The following DDR2 variants were observed in gnomAD, a reference collection of about 807,000 sequenced individuals.
DDR2 encodes the protein discoidin domain-containing receptor 2.
In DDR2, 27 loss-of-function variants were observed where a neutral mutation model predicts 94.9. The ratio of observed to expected loss-of-function variants is 0.28; its 90% confidence interval spans 0.21 to 0.39. The LOEUF is 0.39. Ranked by LOEUF, DDR2 falls within the 10% of genes least tolerant of loss-of-function variation. The probability of loss-of-function intolerance (pLI) is 1.00; values close to 1 mark genes in which losing one functional copy is unlikely to be tolerated. For synonymous variants in DDR2, 382 were observed against 377.2 expected, an observed-to-expected ratio of 1.01 and a Z score of -0.15; for missense variants, 783 against 1,076.0, an observed-to-expected ratio of 0.73 and a Z score of 3.81.
chr1:162,708,277 A>T (rs929520929), intron 2 of DDR2, among the ~76,000 whole-genome samples: 1 of 152,160 alleles, frequency 6.6e-6, no homozygotes, highest in African/African-American at 2.4e-5. Context: ...GGCATCACAC[A>T]TGATCTCTTC....
At chr1:162,677,657 A>G (rs775514866) in intron 2 of DDR2, among the ~76,000 whole-genome samples, 1 of 152,180 alleles carries the variant, frequency 6.6e-6, no homozygotes, top group Non-Finnish European at 1.5e-5. Flanking sequence ...CCATCTTTTA[A>G]TTTAGCATCT....
At chr1:162,713,290 C>G (rs1349636938) in intron 2 of DDR2, among the ~76,000 whole-genome samples, 2 of 152,248 alleles carry the variant, frequency 1.3e-5, no homozygotes, top group East Asian at 3.9e-4. Flanking sequence ...CGGAAATGCA[C>G]AGAAAGTGTC....
At chr1:162,750,032 A>G (rs1043918466) in intron 3 of DDR2, among the ~76,000 whole-genome samples, 2 of 152,206 alleles carry the variant, frequency 1.3e-5, no homozygotes, top group African/African-American at 4.8e-5. Context: ...CGCACAGCCA[A>G]TATCATACTG....
chr1:162,775,253 G>C (rs927739345), intron 14 of DDR2, among the ~76,000 whole-genome samples: 2 of 8,484 alleles, frequency 2.4e-4, no homozygotes, highest in Non-Finnish European at 5.0e-4. Context: ...TGACTCCATG[G>C]CTTTAAAAAA....
intron 14 of DDR2, among the ~76,000 whole-genome samples, chr1:162,774,553 T>C (rs1189267499): frequency 6.6e-6 from 1 of 152,192 alleles, no homozygotes; most frequent in Non-Finnish European, 1.5e-5. Context: ...TTTAAGATAC[T>C]GGTAAGAATA....
In DDR2 at chr1:162,773,490, G is replaced by A. The variant is rs2102189644; in HGVS notation, c.1750G>A (p.Gly584Arg). The change falls in exon 14 of 18, where the codon GGA (glycine) becomes AGA (arginine). Residue 584 changes from glycine to arginine, a missense_variant. Transcript: ENST00000367921. ...FGEVHLCEVE[G>R]MEKFKDKDFA... ...CTAGGTTCATCTCTGTGAAGTGGAG[G>A]GAATGGAAAAATTCAAAGACAAAGA... 6.2e-7 allele frequency: 1 copy of A among 1,613,868 alleles called. No homozygotes were observed. Among genetic ancestry groups the A allele is most frequent in the African/African-American group, 1.3e-5 (1 of 75,012 alleles).
intron 1 of DDR2, among the ~76,000 whole-genome samples, chr1:162,642,043 T>C (rs964624549): frequency 6.6e-6 from 1 of 152,086 alleles, no homozygotes; most frequent in African/African-American, 2.4e-5. Context: ...CTCTGCCTCC[T>C]GGGTTCAAGC....
chr1:162,718,908 A>T, intron 2 of DDR2, 129 bp from the exon 3 acceptor site: 1 of 857,504 alleles, frequency 1.2e-6, no homozygotes, highest in Non-Finnish European at 1.9e-6. Flanking sequence ...GAAGTCCCAT[A>T]TATAAAAACA....
At chr1:162,642,452 T>G (rs775355551) in intron 1 of DDR2, among the ~76,000 whole-genome samples, 82 of 150,926 alleles carry the variant, frequency 5.4e-4, no homozygotes, top group Non-Finnish European at 1.0e-3. Flanking sequence ...TTCTGTGTTT[T>G]TTTTTTTTTT....
intron 3 of DDR2, among the ~76,000 whole-genome samples, chr1:162,751,043 C>T (rs187351956): frequency 1.1e-4 from 17 of 152,268 alleles, no homozygotes; most frequent in Non-Finnish European, 1.3e-4. Context: ...CATAAAAACC[C>T]TAGAAGAAAA....
rs1403575672 is a variant in DDR2 at position 162,767,249 on chromosome 1, G to T, written c.1183G>T (p.Asp395Tyr). The change falls in exon 11 of 18, where the codon GAC becomes TAC. Residue 395 changes from aspartate (D) to tyrosine (Y), a missense_variant. Asp to Tyr is a radical substitution (Grantham distance 160). This residue lies in a region of DDR2 where 519 missense variants were observed against 647.9 expected (regional missense o/e 0.80). Coordinates refer to ENST00000367921, the MANE Select transcript of DDR2 (RefSeq NM_006182.4). ...CACAGATCCAATGCTTAAAGTTGATGACAGCAACACTCGGATCCTGATTGG... is the reference window on the plus strand; with the variant it reads ...CACAGATCCAATGCTTAAAGTTGATTACAGCAACACTCGGATCCTGATTGG... ...TTYDPMLKVDDSNTRILIGCL... is the reference protein window; with the variant it reads ...TTYDPMLKVDYSNTRILIGCL... The T allele has an allele frequency of 3.7e-6, 6 of 1,613,950 alleles. No homozygotes were observed. The highest frequency in any genetic ancestry group is 5.1e-6 in the Non-Finnish European group (6 of 1,180,018).
intron 3 of DDR2, among the ~76,000 whole-genome samples, chr1:162,742,701 A>G (rs952121068): frequency 6.6e-6 from 1 of 151,674 alleles, no homozygotes; most frequent in African/African-American, 2.4e-5. Flanking sequence ...CTGATGGTGT[A>G]TTAATCCATT....
chr1:162,731,693 C>A (rs6656715), intron 3 of DDR2, among the ~76,000 whole-genome samples: 9,111 of 152,208 alleles, frequency 0.06, 574 homozygotes, highest in East Asian at 0.22. Context: ...TCTCTCTTCT[C>A]CTCTTAGATA....
intron 2 of DDR2, among the ~76,000 whole-genome samples, chr1:162,676,948 G>A (rs1344726730): frequency 6.6e-6 from 1 of 152,198 alleles, no homozygotes; most frequent in Non-Finnish European, 1.5e-5. Context: ...TAGTGGAAAA[G>A]TCAATGCCCT....
At chr1:162,752,689 T>C (rs190093503) in intron 3 of DDR2, among the ~76,000 whole-genome samples, 142 of 152,306 alleles carry the variant, frequency 9.3e-4, no homozygotes, top group Non-Finnish European at 2.2e-4. Context: ...AATAATTCTT[T>C]GGGTCATAAA....
chr1:162,690,836 G>A (rs1273780783), intron 2 of DDR2, among the ~76,000 whole-genome samples: 5 of 152,132 alleles, frequency 3.3e-5, no homozygotes, highest in East Asian at 3.8e-4. Context: ...GCATTCTTTC[G>A]GTTAAGAATC....
intron 3 of DDR2, among the ~76,000 whole-genome samples, chr1:162,749,581 A>G (rs998943674): frequency 3.3e-5 from 5 of 152,212 alleles, no homozygotes; most frequent in African/African-American, 1.2e-4. Flanking sequence ...AGAGGTACAA[A>G]GAATAGCTGG....
Position 162,739,323 on chromosome 1 carries a change from CT to C in DDR2, c.83-13763del, listed in dbSNP as rs978331906. Among the ~76,000 whole-genome samples, 7 of 151,392 alleles carry C rather than the reference CT, an allele frequency of 4.6e-5. 1 individual carries two copies. The highest frequency in any genetic ancestry group is 4.2e-4 in the South Asian group (2 of 4,752). On this transcript the variant is annotated intron_variant, in intron 3 of 17. Coordinates refer to ENST00000367921, the MANE Select transcript of DDR2 (RefSeq NM_006182.4). ...GGACATGAACAGACACTTCTCGTTT[CT>C]TTTTTTTTGAGATGGAGTCTCTCTC...
chr1:162,711,794 A>G (rs2102015506), intron 2 of DDR2, among the ~76,000 whole-genome samples: 1 of 151,384 alleles, frequency 6.6e-6, no homozygotes, highest in South Asian at 2.1e-4. Context: ...ACACACATAC[A>G]TATATACACA....
Sources: allele counts gnomAD v4.1 joint callset (sites outside exome capture counted in the v4.1 genomes callset), GRCh38; gene constraint gnomAD v4.1.1; regional missense constraint gnomAD v4.1.1; transcripts MANE v1.5; gene names NCBI Gene and HGNC (gene_info 2026-07-23, HGNC 2026-07-21).